Variants in BLTP1 observed in about 807,000 individuals in gnomAD.
BLTP1 encodes fragile site-associated protein.
the BLTP1 span, among the ~76,000 whole-genome samples, chr4:122,312,478 T>A: frequency 1.5e-4 from 23 of 152,322 alleles, no homozygotes; most frequent in East Asian, 4.2e-3. Context: ...TTCTTTTCAT[T>A]CTAGCATTCT....
At chr4:122,292,833 C>T in the BLTP1 span, among the ~76,000 whole-genome samples, 1 of 152,120 alleles carries the variant, frequency 6.6e-6, no homozygotes, top group South Asian at 2.1e-4. Flanking sequence ...CTTGGTACCT[C>T]TGAGAATGTA....
chr4:122,179,072 G>C, the BLTP1 span, among the ~76,000 whole-genome samples: 94 of 152,110 alleles, frequency 6.2e-4, no homozygotes, highest in African/African-American at 1.9e-3. Context: ...TGAGCCAGGA[G>C]TTTGAGACCA....
At chr4:122,201,627 GA>G in the BLTP1 span, among the ~76,000 whole-genome samples, 1 of 152,150 alleles carries the variant, frequency 6.6e-6, no homozygotes, top group Admixed American at 6.5e-5. Context: ...AGCATTTATT[GA>G]TAGCTTTGCA....
the BLTP1 span, chr4:122,316,266 AT>A: frequency 2.8e-6 from 1 of 353,768 alleles, no homozygotes; most frequent in Non-Finnish European, 5.9e-6. Context: ...TATTTTCAAT[AT>A]CTTTTAACTA....
At chr4:122,227,050 G>C in the BLTP1 span, 1 of 546,984 alleles carries the variant, frequency 1.8e-6, no homozygotes, top group Admixed American at 4.7e-5. Context: ...AAAAGAAACA[G>C]AATTATAAAA....
the BLTP1 span, chr4:122,362,027 T>G: frequency 6.2e-7 from 1 of 1,604,940 alleles, no homozygotes; most frequent in East Asian, 2.2e-5. Context: ...AATTTTTATT[T>G]TAGATTAATT....
the BLTP1 span, chr4:122,220,276 A>G: frequency 6.4e-6 from 10 of 1,570,902 alleles, no homozygotes; most frequent in African/African-American, 1.4e-5. Context: ...ATTTTCCTAT[A>G]CTTCCTTACT....
the BLTP1 span, chr4:122,281,862 TTATAGATATTA>T: frequency 7.4e-7 from 1 of 1,352,916 alleles, no homozygotes; most frequent in South Asian, 1.8e-5. Context: ...AAATTTGGTT[TTATAGATATTA>T]TAAGTAATTT....
the BLTP1 span, among the ~76,000 whole-genome samples, chr4:122,357,789 G>A: frequency 3.3e-5 from 5 of 151,952 alleles, no homozygotes; most frequent in Admixed American, 6.6e-5. Flanking sequence ...TGGAATAAAT[G>A]TAATTTGTTC....
chr4:122,335,096 A>G, the BLTP1 span, among the ~76,000 whole-genome samples: 19 of 152,058 alleles, frequency 1.2e-4, no homozygotes, highest in African/African-American at 4.3e-4. Flanking sequence ...GGGCTGAAAC[A>G]TCTGCCTCCA....
the BLTP1 span, among the ~76,000 whole-genome samples, chr4:122,267,323 T>C: frequency 6.6e-6 from 1 of 152,146 alleles, no homozygotes; most frequent in Non-Finnish European, 1.5e-5. Context: ...CCTCCCAAAG[T>C]GCTGGGATTA....
At chr4:122,158,508 C>T in the BLTP1 span, among the ~76,000 whole-genome samples, 1 of 152,206 alleles carries the variant, frequency 6.6e-6, no homozygotes, top group Non-Finnish European at 1.5e-5. Flanking sequence ...TGGCTCACTC[C>T]TGTAATCCTA....
At chr4:122,347,049 GTTAAT>G in the BLTP1 span, 1 of 818,768 alleles carries the variant, frequency 1.2e-6, no homozygotes, top group Non-Finnish European at 1.5e-6. Context: ...TTATAAGTTA[GTTAAT>G]TTGTTAGTAA....
the BLTP1 span, among the ~76,000 whole-genome samples, chr4:122,158,568 C>T: frequency 0.028 from 4,306 of 152,050 alleles, 139 homozygotes; most frequent in African/African-American, 0.08. Context: ...GAGATTGAGA[C>T]CATCCTGGCT....
At chr4:122,341,322 T>C in the BLTP1 span, among the ~76,000 whole-genome samples, 1 of 152,314 alleles carries the variant, frequency 6.6e-6, no homozygotes, top group South Asian at 2.1e-4. Flanking sequence ...CCAACACTGC[T>C]TTAAATTTAA....
the BLTP1 span, chr4:122,220,364 C>G: frequency 6.2e-7 from 1 of 1,613,414 alleles, no homozygotes; most frequent in Non-Finnish European, 8.5e-7. Flanking sequence ...GAATGCCCTA[C>G]AGCTTTCTTG....
the BLTP1 span, chr4:122,180,022 A>G: frequency 1.1e-6 from 1 of 934,706 alleles, no homozygotes; most frequent in Non-Finnish European, 1.2e-6. Flanking sequence ...ATACACGTGC[A>G]TGTACACACA....
the BLTP1 span, among the ~76,000 whole-genome samples, chr4:122,176,149 A>G: frequency 6.6e-6 from 1 of 151,996 alleles, no homozygotes; most frequent in Non-Finnish European, 1.5e-5. Context: ...TAAAAATACA[A>G]AAAATTAGCT....
At chr4:122,199,516 A>G in the BLTP1 span, 1 of 1,376,050 alleles carries the variant, frequency 7.3e-7, no homozygotes, top group East Asian at 2.4e-5. Flanking sequence ...ATTTTCTTAT[A>G]TTAAGTTTAA....
Sources: allele counts gnomAD v4.1 joint callset (sites outside exome capture counted in the v4.1 genomes callset), GRCh38; gene constraint gnomAD v4.1.1; transcripts MANE v1.5; gene names NCBI Gene and HGNC (gene_info 2026-07-23, HGNC 2026-07-21).